KIF24: variants seen among roughly 807,000 people sequenced by gnomAD.
KIF24 encodes the protein kinesin-like protein KIF24.
Under a neutral mutation model 118.9 loss-of-function variants are expected in KIF24, and 81 were observed. The ratio of observed to expected loss-of-function variants is 0.68; its 90% CI spans 0.57 to 0.82. The LOEUF (loss-of-function observed/expected upper bound fraction) is 0.82. Ranked by LOEUF, KIF24 falls within the 40% of genes least tolerant of loss-of-function variation. The probability of loss-of-function intolerance (pLI) is 0.00; values close to 1 mark genes in which losing one functional copy is unlikely to be tolerated. For missense variants in KIF24, 1,560 were observed against 1,661.6 expected (o/e 0.94, Z 1.06); for synonymous variants, 599 against 610.0 (o/e 0.98, Z 0.27).
At chr9:34,282,314 C>T (rs1302607917) in intron 6 of KIF24, among the ~76,000 whole-genome samples, 14 of 152,008 alleles carry the variant, frequency 9.2e-5, no homozygotes, top group African/African-American at 2.4e-4. Flanking sequence ...TTATATGATA[C>T]GGACAGAATT....
chr9:34,308,456 G>A (rs559592625), intron 2 of KIF24, among the ~76,000 whole-genome samples: 140 of 151,862 alleles, frequency 9.2e-4, no homozygotes, highest in African/African-American at 3.1e-3. Flanking sequence ...GCTAATTTTT[G>A]TATTTTTAGT....
At chr9:34,258,070 A>G in intron 10 of KIF24, 89 bp from the exon 11 acceptor site, 1 of 985,930 alleles carries the variant, frequency 1.0e-6, no homozygotes, top group East Asian at 2.4e-5. Context: ...AAAACCAAAG[A>G]AAAGTATTAC....
rs1440038787 is a variant in KIF24 at position 34,290,370 on chromosome 9, C to G, written c.931G>C (p.Ala311Pro). 2 of 1,609,532 alleles carry G rather than the reference C, an allele frequency of 1.2e-6. No homozygotes were observed. ...IFNGGNATCF[A>P]YGQTGAGKTY... ...TTTCCAGCACCTGTCTGTCCATAAG[C>G]AAAGCAAGTGGCATTGCCTCTGGGG... Residue 311 changes from alanine (A) to proline (P), a missense_variant, in exon 5 of 13, where the codon GCT becomes CCT. This residue lies in a region of KIF24 where 964 missense variants were observed against 988.0 expected (regional missense o/e 0.98). Coordinates refer to ENST00000402558, the MANE Select transcript of KIF24 (RefSeq NM_194313.4).
chr9:34,253,752 A>C lies in KIF24; in HGVS notation c.*628T>G, dbSNP rs955802027. ...GGAAGGGAAGGGAGCTGTAAATATAAGGCCTGTCTCACATCTGCTGCTGTC... is the reference window on the plus strand; with the variant it reads ...GGAAGGGAAGGGAGCTGTAAATATACGGCCTGTCTCACATCTGCTGCTGTC... On this transcript the variant is annotated 3_prime_UTR_variant, in exon 13 of 13. Coordinates refer to ENST00000402558, the MANE Select transcript of KIF24 (RefSeq NM_194313.4). 6.6e-6 allele frequency: 1 copy of C among 152,218 alleles called. No homozygotes were observed. The highest frequency in any genetic ancestry group is 6.5e-5 in the Admixed American group (1 of 15,282). The allele number at this position is 152,218 out of a possible 1,614,324, so 9.4% of individuals were successfully genotyped here.
upstream of KIF24, among the ~76,000 whole-genome samples, chr9:34,330,700 G>A (rs571566900): frequency 3.3e-5 from 5 of 152,308 alleles, no homozygotes; most frequent in South Asian, 2.1e-4. Flanking sequence ...GGTGGCTCAC[G>A]CCTGTAATCC....
intron 1 of KIF24, among the ~76,000 whole-genome samples, chr9:34,316,045 A>T (rs10972054): frequency 0.37 from 54,572 of 149,250 alleles, 10,136 homozygotes; most frequent in East Asian, 0.63. Flanking sequence ...AAAAAAAAAA[A>T]TTTTTTTAGA....
rs952010655 is a variant in KIF24, at chr9:34,318,121, A to G, written c.-25-6750T>C. Among the ~76,000 whole-genome samples, 11 of 152,160 alleles carry G rather than the reference A, an allele frequency of 7.2e-5. No homozygotes were observed. The highest frequency in any genetic ancestry group is 2.7e-4 in the African/African-American group (11 of 41,434). Reference sequence around the variant, plus strand: ...AGAAAATTAGGGAGGAGAACAAACAAGTCTAAAGCTGGTGGTTTAACAAGA... The same window carrying G: ...AGAAAATTAGGGAGGAGAACAAACAGGTCTAAAGCTGGTGGTTTAACAAGA... On this transcript the variant is annotated intron_variant, in intron 1 of 12. Coordinates refer to ENST00000402558, the MANE Select transcript of KIF24 (RefSeq NM_194313.4). The surrounding 1 kb of genome is among the most constrained non-coding windows in gnomAD (Gnocchi z 4.9).
Position 34,256,489 on chromosome 9 carries a change from T to G in KIF24, c.3118A>C (p.Thr1040Pro). 6.2e-7 allele frequency: 1 copy of G among 1,613,832 alleles called. No homozygotes were observed. Among genetic ancestry groups the G allele is most frequent in the South Asian group, 1.1e-5 (1 of 91,080 alleles). ...PGEDPRGQLG[T>P]HAEYASGLMS... ...AGTCCAGAAGCATATTCAGCATGCG[T>G]GCCTAACTGCCCCCTAGGATCCTCT... Residue 1040 changes from threonine (T) to proline (P), a missense_variant, in exon 11 of 13, where the codon ACG becomes CCG. By Grantham distance (38) the Thr-to-Pro change is conservative (BLOSUM62 -1). Coordinates refer to ENST00000402558, the MANE Select transcript of KIF24 (RefSeq NM_194313.4).
At chr9:34,291,089 T>C (rs1412642241) in intron 4 of KIF24, among the ~76,000 whole-genome samples, 2 of 152,110 alleles carry the variant, frequency 1.3e-5, no homozygotes, top group Non-Finnish European at 2.9e-5. Context: ...AGTGAAAGAA[T>C]AGAGAATTAA....
intron 2 of KIF24, among the ~76,000 whole-genome samples, chr9:34,306,998 C>T (rs1451421149): frequency 6.6e-5 from 10 of 152,058 alleles, no homozygotes. Context: ...CCTAAGAGAT[C>T]ATATATAGAA....
rs773115511 is a variant in KIF24, at chr9:34,257,329, T to C, written c.2278A>G (p.Arg760Gly). The C allele has an allele frequency of 2.5e-6, 4 of 1,614,058 alleles. No individual in the cohort carries two copies. The highest frequency in any genetic ancestry group is 3.4e-6 in the Non-Finnish European group (4 of 1,179,896). The change falls in exon 11 of 13, where the codon AGG (arginine) becomes GGG (glycine). Residue 760 changes from arginine (R) to glycine (G), a missense_variant. Physicochemically the swap from Arg to Gly is moderately radical, Grantham distance 125 (BLOSUM62 -2). Transcript: ENST00000402558. The part of the protein sequence containing the change: ...WTNIPPHQKE[R>G]EEHLRFYHQQ... ...TGATAGAAACGCAGATGTTCCTCCC[T>C]CTCCTTCTGATGTGGCGGGATGTTT...
chr9:34,301,114 GATT>G (rs545091015), intron 3 of KIF24, among the ~76,000 whole-genome samples: 75 of 152,260 alleles, frequency 4.9e-4, no homozygotes, highest in African/African-American at 1.8e-3. Flanking sequence ...AAACATGCAA[GATT>G]ATTATAGTTA....
At chr9:34,294,105 C>T (rs931328241) in intron 4 of KIF24, among the ~76,000 whole-genome samples, 1 of 152,094 alleles carries the variant, frequency 6.6e-6, no homozygotes, top group Non-Finnish European at 1.5e-5. Flanking sequence ...AGGCATATGC[C>T]ACCAAACCCA....
rs554002633 is a variant in KIF24 at position 34,311,710 on chromosome 9, G to GTA, written c.-25-341_-25-340dup. Among the ~76,000 whole-genome samples, 217 of 138,408 alleles carry GTA rather than the reference G, an allele frequency of 1.6e-3. 1 individual carries two copies. The highest frequency in any genetic ancestry group is 5.2e-3 in the African/African-American group (194 of 37,550). The allele number at this position is 138,408 out of a possible 152,430, so 90.8% of individuals were successfully genotyped here. On this transcript the variant is annotated intron_variant, in intron 1 of 12. Coordinates refer to ENST00000402558, the MANE Select transcript of KIF24 (RefSeq NM_194313.4). ...TATACGTATATATGTACATATATAC[G>GTA]TATATATGTATATACACGTATATAT...
rs142538408 is a variant in KIF24, at chr9:34,286,638, G to T, written c.1194C>A (p.Asp398Glu). Residue 398 changes from aspartate to glutamate, a missense_variant, in exon 6 of 13, where the codon GAC (aspartate) becomes GAA (glutamate). By Grantham distance (45) the Asp-to-Glu change is conservative. Coordinates refer to ENST00000402558, the MANE Select transcript of KIF24 (RefSeq NM_194313.4). ...QIVGLQELQV[D>E]SVELLLEVIL... ...TTACCTCTAAGAGGAGCTCCACACT[G>T]TCCACCTGAAGCTCTTGCAGTCCCA... 1.9e-6 allele frequency: 3 copies of T among 1,612,230 alleles called. No individual in the cohort carries two copies. In the African/African-American group the frequency reaches 4.0e-5, roughly 22 times the overall value.
chr9:34,320,981 T>G (rs1306585406), intron 1 of KIF24, among the ~76,000 whole-genome samples: 2 of 152,204 alleles, frequency 1.3e-5, no homozygotes, highest in Non-Finnish European at 2.9e-5. Context: ...TTACGTATTT[T>G]ATTGTAAGAC....
intron 3 of KIF24, among the ~76,000 whole-genome samples, chr9:34,303,704 C>A (rs1836810295): frequency 6.6e-6 from 1 of 152,062 alleles, no homozygotes; most frequent in East Asian, 1.9e-4. Flanking sequence ...CAAAAATTAG[C>A]CAGGCGTGGT....
At chr9:34,255,242 A>C in intron 11 of KIF24, 77 bp from the exon 12 acceptor site, 1 of 900,180 alleles carries the variant, frequency 1.1e-6, no homozygotes, top group Non-Finnish European at 1.8e-6. Context: ...AGGTGATCTC[A>C]TTTGTAAGCT....
intron 9 of KIF24, among the ~76,000 whole-genome samples, chr9:34,262,675 AATATATATATATATATATATAT>A (rs1428160924): frequency 2.8e-3 from 75 of 27,068 alleles, no homozygotes; most frequent in Admixed American, 5.6e-3. Context: ...AAAAAAAAAA[AATATATATATATATATATATAT>A]ATATATATAT....
Sources: allele counts gnomAD v4.1 joint callset (sites outside exome capture counted in the v4.1 genomes callset), GRCh38; gene constraint gnomAD v4.1.1; regional missense constraint gnomAD v4.1.1; non-coding constraint Gnocchi (gnomAD v3.1); transcripts MANE v1.5; gene names NCBI Gene and HGNC (gene_info 2026-07-23, HGNC 2026-07-21).